LOC400499: variants seen among roughly 807,000 people sequenced by gnomAD.
chr16:11,450,613 A>G, the LOC400499 span: 2 of 1,535,784 alleles, frequency 1.3e-6, no homozygotes, highest in Admixed American at 2.0e-5. Flanking sequence ...GCTCACCCGG[A>G]GGTAGGTGGT....
the LOC400499 span, among the ~76,000 whole-genome samples, chr16:11,461,463 C>A: frequency 6.6e-6 from 1 of 152,314 alleles, no homozygotes; most frequent in Non-Finnish European, 1.5e-5. Context: ...TCAAGTAATC[C>A]TCCTGCGTTA....
chr16:11,486,254 A>G, the LOC400499 span, among the ~76,000 whole-genome samples: 1 of 104,238 alleles, frequency 9.6e-6, no homozygotes, highest in Non-Finnish European at 1.8e-5. Flanking sequence ...GGATTGAGTG[A>G]ATAGATGGAT....
chr16:11,387,906 G>A, the LOC400499 span, among the ~76,000 whole-genome samples: 1 of 152,106 alleles, frequency 6.6e-6, no homozygotes, highest in South Asian at 2.1e-4. Flanking sequence ...TTACAGGTGT[G>A]AGCCACTGTG....
chr16:11,446,892 G>A, the LOC400499 span: 3 of 1,535,394 alleles, frequency 2.0e-6, no homozygotes, highest in South Asian at 2.4e-5. Context: ...TCTGCGGGAT[G>A]GGCAGGTGCA....
chr16:11,447,769 T>G, the LOC400499 span, among the ~76,000 whole-genome samples: 1 of 152,068 alleles, frequency 6.6e-6, no homozygotes, highest in Non-Finnish European at 1.5e-5. Flanking sequence ...GTGGGAGCTT[T>G]CAGGGGAGGT....
chr16:11,468,714 G>A, the LOC400499 span, among the ~76,000 whole-genome samples: 1 of 152,140 alleles, frequency 6.6e-6, no homozygotes, highest in Non-Finnish European at 1.5e-5. Flanking sequence ...TGAAACCTCC[G>A]CCTCCTGGGT....
At chr16:11,444,879 C>G in the LOC400499 span, among the ~76,000 whole-genome samples, 508 of 152,050 alleles carry the variant, frequency 3.3e-3, 4 homozygotes, top group African/African-American at 0.011. Context: ...TCCAGGAGCT[C>G]AAGACCAGCC....
At chr16:11,422,706 C>T in the LOC400499 span, among the ~76,000 whole-genome samples, 4 of 152,304 alleles carry the variant, frequency 2.6e-5, no homozygotes, top group South Asian at 2.1e-4. Flanking sequence ...GAGCCCGTGA[C>T]GCTCAGGTGG....
the LOC400499 span, among the ~76,000 whole-genome samples, chr16:11,506,881 C>A: frequency 6.6e-6 from 1 of 152,192 alleles, no homozygotes; most frequent in African/African-American, 2.4e-5. Context: ...CTCCCGGGGG[C>A]CCAGGAGCTG....
the LOC400499 span, among the ~76,000 whole-genome samples, chr16:11,395,638 A>G: frequency 6.6e-6 from 1 of 152,228 alleles, no homozygotes; most frequent in African/African-American, 2.4e-5. Context: ...CACCTGCTAC[A>G]TGCAGATGTT....
the LOC400499 span, among the ~76,000 whole-genome samples, chr16:11,504,561 C>CA: frequency 6.0e-5 from 9 of 150,368 alleles, no homozygotes; most frequent in South Asian, 4.2e-4. Flanking sequence ...GTCCCCCCCC[C>CA]CAAAAAAAAG....
chr16:11,461,178 T>A, the LOC400499 span: 1 of 1,474,768 alleles, frequency 6.8e-7, no homozygotes, highest in African/African-American at 1.4e-5. Flanking sequence ...AGCACCCCCA[T>A]CCCCAGGCAA....
the LOC400499 span, among the ~76,000 whole-genome samples, chr16:11,525,347 A>G: frequency 0.43 from 65,265 of 150,230 alleles, 15,121 homozygotes; most frequent in African/African-American, 0.6. Flanking sequence ...GGAGGGGTGG[A>G]GGTAGGGTGC....
the LOC400499 span, chr16:11,461,210 G>A: frequency 1.0e-5 from 15 of 1,436,642 alleles, no homozygotes; most frequent in East Asian, 1.5e-4. Flanking sequence ...AGGTATCACC[G>A]AGGGGCCTTG....
the LOC400499 span, chr16:11,399,946 C>A: frequency 7.5e-6 from 3 of 397,546 alleles, no homozygotes; most frequent in Non-Finnish European, 1.3e-5. Context: ...TGGTGCCCCT[C>A]CCCCAGATAT....
the LOC400499 span, chr16:11,392,342 T>C: frequency 2.5e-6 from 1 of 398,894 alleles, no homozygotes; most frequent in African/African-American, 2.1e-5. Context: ...CAGGCCCCCC[T>C]GGCAGCCGCG....
the LOC400499 span, among the ~76,000 whole-genome samples, chr16:11,379,517 T>G: frequency 5.8e-4 from 88 of 152,386 alleles, 1 homozygote; most frequent in African/African-American, 1.9e-3. Flanking sequence ...TGTAAGTCTC[T>G]CAGTCTTCTG....
chr16:11,440,969 G>C, the LOC400499 span: 1 of 399,100 alleles, frequency 2.5e-6, no homozygotes, highest in Non-Finnish European at 4.4e-6. Flanking sequence ...CCAGGGCCAG[G>C]CTGTGCCGGA....
chr16:11,505,174 G>T, the LOC400499 span, among the ~76,000 whole-genome samples: 5 of 150,112 alleles, frequency 3.3e-5, no homozygotes, highest in African/African-American at 4.9e-5. Flanking sequence ...GTCCTGATTT[G>T]TAGCATTTGC....
Sources: allele counts gnomAD v4.1 joint callset (sites outside exome capture counted in the v4.1 genomes callset), GRCh38; gene constraint gnomAD v4.1.1; transcripts MANE v1.5.